MEOX1: variants seen among roughly 807,000 people sequenced by gnomAD.
MEOX1 encodes mesenchyme homeobox 1.
A neutral mutation model predicts 23.2 loss-of-function variants in MEOX1; 17 were observed. That is an observed-to-expected ratio of 0.73 (90% CI 0.50 to 1.10). The LOEUF (loss-of-function observed/expected upper bound fraction) is 1.10, where lower values mean the gene tolerates loss of function less well. Among genes scored for constraint, MEOX1 ranks in the 50% least tolerant of loss-of-function variants. The probability of loss-of-function intolerance (pLI) is 0.00; values close to 1 mark genes in which losing one functional copy is unlikely to be tolerated. For missense variants in MEOX1, 333 were observed against 332.2 expected (o/e 1.00, Z -0.02); for synonymous variants, 134 against 135.1 (o/e 0.99, Z 0.06).
In MEOX1 at chr17:43,642,350, C is replaced by T. The variant is rs1972713004; in HGVS notation, c.643-318G>A. ...CCCCCTGCCCCCTACCTCCATTCCC[C>T]AAGGGTCTGGGAGCAGAGGTCATCA... is the stretch of plus-strand genomic sequence containing the variant. On this transcript the variant is annotated intron_variant, in intron 2 of 2. Transcript: ENST00000318579. 2.0e-5 allele frequency among the ~76,000 whole-genome samples: 3 copies of T among 152,212 alleles called. No homozygotes were observed. The South Asian group carries it at 6.2e-4, about 32-fold the overall frequency.
chr17:43,644,356 C>T (rs1972763149), intron 1 of MEOX1, among the ~76,000 whole-genome samples: 1 of 152,236 alleles, frequency 6.6e-6, no homozygotes, highest in African/African-American at 2.4e-5. Context: ...CCATCTGGAG[C>T]CCTCTGAAGC....
At position 43,652,855 on chromosome 17, in the gene MEOX1, G is replaced by A. The variant is rs193111843; in HGVS notation, c.469+8211C>T. The stretch of plus-strand genomic sequence containing the variant: ...TTTTTTTTTTTTTTTTTTTTGAGAC[G>A]GAGTCTCACTCTGTCGCCCAGGCTG... On this transcript the variant is annotated intron_variant, in intron 1 of 2. Coordinates refer to ENST00000318579, the MANE Select transcript of MEOX1 (RefSeq NM_004527.4). 3.0e-3 allele frequency among the ~76,000 whole-genome samples: 390 copies of A among 128,494 alleles called. 1 individual carries two copies. Among genetic ancestry groups the A allele is most frequent in the African/African-American group, 0.011 (362 of 33,504 alleles). 84.3% of individuals were successfully genotyped at this position (128,494 alleles called of 152,430 possible). A position where few individuals can be genotyped will look rare whatever the true frequency, so the allele number is the denominator to read the frequency against.
rs552298506 is a variant in MEOX1, at chr17:43,655,020, C to G, written c.469+6046G>C. Reference sequence around the variant, plus strand: ...TGAGCTGAGATCGCGCCACTGCACTCTAGCCTGGGTGACAGAGTGAGACTC... The same window carrying G: ...TGAGCTGAGATCGCGCCACTGCACTGTAGCCTGGGTGACAGAGTGAGACTC... On this transcript the variant is annotated intron_variant, in intron 1 of 2. Transcript: ENST00000318579. 4.6e-5 allele frequency among the ~76,000 whole-genome samples: 7 copies of G among 151,884 alleles called. No homozygotes were observed. The East Asian group carries it at 9.7e-4, about 21-fold the overall frequency.
At chr17:43,657,682 A>G (rs1447387244) in intron 1 of MEOX1, among the ~76,000 whole-genome samples, 1 of 152,190 alleles carries the variant, frequency 6.6e-6, no homozygotes, top group Non-Finnish European at 1.5e-5. Flanking sequence ...CTCACCCCAT[A>G]ACCTCTCCGG....
chr17:43,643,676 C>T lies in MEOX1; in HGVS notation c.470-16G>A, dbSNP rs201318236. The T allele has an allele frequency of 8.6e-4, 1,383 of 1,608,868 alleles. 8 individuals are homozygous for T. Among genetic ancestry groups the T allele is most frequent in the Non-Finnish European group, 3.6e-4 (422 of 1,177,658 alleles). The stretch of plus-strand genomic sequence containing the variant: ...TCCTGGTTGTCTGGGGAGAGAGGAC[C>T]CCAAACAGGAAGACATGGGCTGAGG... On this transcript the variant is annotated splice_polypyrimidine_tract_variant and intron_variant, in intron 1 of 2. Transcript: ENST00000318579.
At chr17:43,655,150 C>T (rs1236066789) in intron 1 of MEOX1, among the ~76,000 whole-genome samples, 1 of 152,012 alleles carries the variant, frequency 6.6e-6, no homozygotes, top group Non-Finnish European at 1.5e-5. Context: ...TGGAAGCAAC[C>T]TACATGTTCA....
chr17:43,657,012 C>CTTTTTCTTTCTT (rs1555567818), intron 1 of MEOX1, among the ~76,000 whole-genome samples: 13 of 105,146 alleles, frequency 1.2e-4, no homozygotes, highest in Middle Eastern at 4.1e-3. Flanking sequence ...TTCTTTCTTT[C>CTTTTTCTTTCTT]TCTTTCTTTC....
rs6503464 is a variant in MEOX1, at chr17:43,655,551, T to C, written c.469+5515A>G. Reference sequence around the variant, plus strand: ...TCTTCAGAAAGAAGGAGGCCAGGCATGGTGGCTCACACCTATAATTCCAGC... The same window carrying C: ...TCTTCAGAAAGAAGGAGGCCAGGCACGGTGGCTCACACCTATAATTCCAGC... On this transcript the variant is annotated intron_variant, in intron 1 of 2. Coordinates refer to ENST00000318579, the MANE Select transcript of MEOX1 (RefSeq NM_004527.4). 6.2e-3 allele frequency among the ~76,000 whole-genome samples: 931 copies of C among 148,970 alleles called. 7 individuals carry two copies. Among genetic ancestry groups the C allele is most frequent in the African/African-American group, 0.021 (856 of 40,340 alleles).
At chr17:43,642,878 T>G (rs1024323367) in intron 2 of MEOX1, among the ~76,000 whole-genome samples, 15 of 152,182 alleles carry the variant, frequency 9.9e-5, no homozygotes, top group Non-Finnish European at 8.8e-5. Flanking sequence ...AATTTGGGAA[T>G]AGCCAGACCG....
chr17:43,657,476 C>T (rs749497449), intron 1 of MEOX1, among the ~76,000 whole-genome samples: 10 of 152,082 alleles, frequency 6.6e-5, no homozygotes, highest in African/African-American at 1.7e-4. Flanking sequence ...CATGAGCCAC[C>T]GCGCCCGGCC....
At chr17:43,652,825 C>CTTAT (rs1567746229) in intron 1 of MEOX1, among the ~76,000 whole-genome samples, 1 of 71,072 alleles carries the variant, frequency 1.4e-5, no homozygotes. Flanking sequence ...TCTACTATTG[C>CTTAT]TTTTTTTTTT....
At chr17:43,644,709 C>T (rs1567742394) in intron 1 of MEOX1, among the ~76,000 whole-genome samples, 1 of 151,932 alleles carries the variant, frequency 6.6e-6, no homozygotes, top group African/African-American at 2.4e-5. Flanking sequence ...AGGTCAGGAG[C>T]TCGAGACCAG....
At chr17:43,658,498 C>T (rs375563079) in intron 1 of MEOX1, among the ~76,000 whole-genome samples, 34 of 135,862 alleles carry the variant, frequency 2.5e-4, no homozygotes, top group African/African-American at 7.8e-4. Flanking sequence ...TAGAGTGAGA[C>T]TCCATCTCAA....
chr17:43,651,333 G>T (rs1485764693), intron 1 of MEOX1, among the ~76,000 whole-genome samples: 1 of 152,118 alleles, frequency 6.6e-6, no homozygotes. Flanking sequence ...AAAAAAGTCT[G>T]GTGCTATAGT....
intron 1 of MEOX1, among the ~76,000 whole-genome samples, chr17:43,655,942 G>A (rs1175857019): frequency 6.6e-6 from 1 of 152,160 alleles, no homozygotes; most frequent in African/African-American, 2.4e-5. Flanking sequence ...CACAACTACT[G>A]TACTGTATCA....
At chr17:43,645,229 T>C (rs549938620) in intron 1 of MEOX1, among the ~76,000 whole-genome samples, 2 of 142,722 alleles carry the variant, frequency 1.4e-5, no homozygotes, top group African/African-American at 5.3e-5. Context: ...AAGGCTAGAG[T>C]GCAGTGGTGC....
At chr17:43,649,070 A>T (rs1172260597) in intron 1 of MEOX1, among the ~76,000 whole-genome samples, 2 of 152,186 alleles carry the variant, frequency 1.3e-5, no homozygotes, top group African/African-American at 4.8e-5. Context: ...CGCTGTGCTT[A>T]TCAGGCTGAG....
Position 43,643,665 on chromosome 17 carries a change from G to A in MEOX1, c.470-5C>T. The stretch of plus-strand genomic sequence containing the variant: ...TCCCTCTGTTCTCCTGGTTGTCTGG[G>A]GAGAGAGGACCCCAAACAGGAAGAC... On this transcript the variant is annotated splice_region_variant and splice_polypyrimidine_tract_variant and intron_variant, in intron 1 of 2. Transcript: ENST00000318579. 2 of 1,611,120 alleles carry A rather than the reference G, an allele frequency of 1.2e-6. No individual in the cohort carries two copies. Among genetic ancestry groups the A allele is most frequent in the East Asian group, 2.2e-5 (1 of 44,788 alleles).
chr17:43,649,125 C>G (rs1972864845), intron 1 of MEOX1, among the ~76,000 whole-genome samples: 1 of 152,118 alleles, frequency 6.6e-6, no homozygotes, highest in South Asian at 2.1e-4. Context: ...TAGCACAGTG[C>G]CTGGCATGTC....
Sources: allele counts gnomAD v4.1 joint callset (sites outside exome capture counted in the v4.1 genomes callset), GRCh38; gene constraint gnomAD v4.1.1; transcripts MANE v1.5; gene names NCBI Gene and HGNC (gene_info 2026-07-23, HGNC 2026-07-21).